The following CEP76 variants were observed in gnomAD, a reference collection of about 807,000 sequenced individuals.
CEP76 encodes centrosomal protein 76, also known as centrosomal protein of 76 kDa.
In CEP76, 55 loss-of-function variants were observed where a neutral mutation model predicts 83.3. The observed-to-expected ratio is 0.66, with a 90% CI of 0.53 to 0.83. The LOEUF is 0.83. CEP76 is among the 40% of genes least tolerant of loss of function. The probability of loss-of-function intolerance (pLI) is 0.00; values close to 1 mark genes in which losing one functional copy is unlikely to be tolerated. For missense variants in CEP76, 694 were observed against 799.5 expected (o/e 0.87, Z 1.59); for synonymous variants, 270 against 274.5 (o/e 0.98, Z 0.16).
chr18:12,678,754 G>A (rs908684176), intron 9 of CEP76, among the ~76,000 whole-genome samples: 1 of 152,010 alleles, frequency 6.6e-6, no homozygotes, highest in Non-Finnish European at 1.5e-5. Context: ...TCAAGAGTTC[G>A]AGACTAACCT....
chr18:12,687,028 G>C (rs573528987), intron 7 of CEP76, among the ~76,000 whole-genome samples: 1 of 152,120 alleles, frequency 6.6e-6, no homozygotes, highest in South Asian at 2.1e-4. Flanking sequence ...ATATCTCCTG[G>C]TGTTGGTGCT....
intron 1 of CEP76, 67 bp downstream of exon 1, chr18:12,702,419 G>T: frequency 1.6e-6 from 2 of 1,275,756 alleles, no homozygotes; most frequent in Non-Finnish European, 2.3e-6. Context: ...TCGGCCCGGG[G>T]CCGCCGGGCA....
chr18:12,680,651 A>T lies in CEP76; in HGVS notation c.1289+11T>A. The T allele has an allele frequency of 6.5e-7, 1 of 1,548,802 alleles. No individual in the cohort carries two copies. Among genetic ancestry groups the T allele is most frequent in the Non-Finnish European group, 8.8e-7 (1 of 1,140,266 alleles). On this transcript the variant is annotated intron_variant, in intron 9 of 11. Transcript: ENST00000262127. ...TTCATTTTAATATCCTTATAAACTT[A>T]GTAAACTAACCTGTGTCCTGTTAAA... is the stretch of plus-strand genomic sequence containing the variant.
At chr18:12,693,318 G>A (rs2039832996) in intron 6 of CEP76, among the ~76,000 whole-genome samples, 1 of 152,048 alleles carries the variant, frequency 6.6e-6, no homozygotes, top group South Asian at 2.1e-4. Flanking sequence ...CAATGTTTTG[G>A]GAGGCTGAGG....
intron 1 of CEP76, among the ~76,000 whole-genome samples, chr18:12,701,907 G>A (rs2040166655): frequency 6.6e-6 from 1 of 152,084 alleles, no homozygotes; most frequent in Admixed American, 6.5e-5. Context: ...GAGGCGGCCG[G>A]ATCACGAAGT....
intron 10 of CEP76, among the ~76,000 whole-genome samples, chr18:12,677,443 C>T (rs375396308): frequency 3.5e-4 from 39 of 110,600 alleles, no homozygotes; most frequent in African/African-American, 1.4e-3. Context: ...GGTGACAGAG[C>T]GAGAGATTCC....
intron 8 of CEP76, among the ~76,000 whole-genome samples, chr18:12,682,137 G>A (rs2039372765): frequency 6.6e-6 from 1 of 152,136 alleles, no homozygotes; most frequent in African/African-American, 2.4e-5. Flanking sequence ...AACTATTTGA[G>A]TTGAGTGTCC....
At position 12,673,252 on chromosome 18, in the gene CEP76, G is replaced by A. The variant is rs2038993117; in HGVS notation, c.*113C>T. 7 of 1,440,760 alleles carry A rather than the reference G, an allele frequency of 4.9e-6. No individual in the cohort carries two copies. Among genetic ancestry groups the A allele is most frequent in the Non-Finnish European group, 6.4e-6 (7 of 1,100,140 alleles). 89.2% of individuals were successfully genotyped at this position (1,440,760 alleles called of 1,614,324 possible). ...TCAAGTATATACAAAATTGAAGTAT[G>A]CCATTCAAGCCAGATTGTGATTTTA... On this transcript the variant is annotated 3_prime_UTR_variant, in exon 12 of 12. Transcript: ENST00000262127.
In CEP76 at chr18:12,702,593, C is replaced by T. The variant is rs766223323; in HGVS notation, c.-45G>A. On this transcript the variant is annotated 5_prime_UTR_variant, in exon 1 of 12. Transcript: ENST00000262127. The stretch of plus-strand genomic sequence containing the variant: ...CCGCCGCTTCTCCCCGCCTCAGATG[C>T]CCTAACTGCGCGGCCCCGGCCGGGC... 1 of 1,581,106 alleles carries T rather than the reference C, an allele frequency of 6.3e-7. No homozygotes were observed. Among genetic ancestry groups the T allele is most frequent in the Non-Finnish European group, 8.6e-7 (1 of 1,168,186 alleles).
At chr18:12,664,431 TC>T (rs1176448043) in intron 12 of CEP76, among the ~76,000 whole-genome samples, 1 of 151,548 alleles carries the variant, frequency 6.6e-6, no homozygotes, top group Non-Finnish European at 1.5e-5. Context: ...GTGCCTGTAG[TC>T]CCAGCTACTC....
rs779771201 is a variant in CEP76 at position 12,674,582 on chromosome 18, G to A, written c.1795C>T (p.His599Tyr). ...DGHTFKGFPI[H>Y]FVYRNARRAF... is the part of the protein sequence containing the mutation. ...CGTCTTGCATTTCTATACACAAAAT[G>A]TATTGGGAACCCTTTAAATGTGTGA... Residue 599 changes from histidine to tyrosine, a missense_variant, in exon 11 of 12, where the codon CAT becomes TAT. Transcript: ENST00000262127. 6 of 1,613,948 alleles carry A rather than the reference G, an allele frequency of 3.7e-6. No individual in the cohort carries two copies. The East Asian group carries it at 1.1e-4, about 30-fold the overall frequency.
rs573528987 is a variant in CEP76, at chr18:12,687,028, G to A, written c.934-578C>T. 3.3e-5 allele frequency among the ~76,000 whole-genome samples: 5 copies of A among 152,238 alleles called. No individual in the cohort carries two copies. The East Asian group carries it at 9.7e-4, about 29-fold the overall frequency. On this transcript the variant is annotated intron_variant, in intron 7 of 11. Transcript: ENST00000262127. ...CATCCTAAATACAGGATATCTCCTG[G>A]TGTTGGTGCTGAATAACTTGTATGC...
At chr18:12,662,308 T>C (rs570814283) in intron 12 of CEP76, 7 of 365,406 alleles carry the variant, frequency 1.9e-5, no homozygotes, top group South Asian at 1.3e-4. Flanking sequence ...TCTTCAGTTA[T>C]ACAACTTGAA....
At chr18:12,666,757 A>AC (rs935430224) in intron 12 of CEP76, among the ~76,000 whole-genome samples, 1 of 152,098 alleles carries the variant, frequency 6.6e-6, no homozygotes, top group Admixed American at 6.6e-5. Context: ...CCAAAAAAAA[A>AC]AAAACTTTTG....
rs759520853 is a variant in CEP76, at chr18:12,673,498, G to A, written c.1847C>T (p.Pro616Leu). The A allele has an allele frequency of 6.4e-7, 1 of 1,574,410 alleles. No homozygotes were observed. Among genetic ancestry groups the A allele is most frequent in the African/African-American group, 1.4e-5 (1 of 71,526 alleles). Residue 616 changes from proline to leucine, a missense_variant, in exon 12 of 12, where the codon CCT becomes CTT. By Grantham distance (98) the Pro-to-Leu change is moderately conservative. Transcript: ENST00000262127. The stretch of plus-strand genomic sequence containing the variant: ...GCAACAGATTATTTCTTCACAGAAA[G>A]GAGATCTATTTAAGAAAAAAAAAAT... ...RRAFATCLRS[P>L]FCEEIICCRG...
chr18:12,663,217 A>C (rs1220156756), intron 12 of CEP76, among the ~76,000 whole-genome samples: 1 of 152,240 alleles, frequency 6.6e-6, no homozygotes, highest in Non-Finnish European at 1.5e-5. Context: ...GATTTCAAAC[A>C]TTAGGACAAG....
At chr18:12,694,829 G>A (rs1453479075) in intron 6 of CEP76, among the ~76,000 whole-genome samples, 2 of 151,462 alleles carry the variant, frequency 1.3e-5, no homozygotes, top group Non-Finnish European at 2.9e-5. Context: ...TCCTGCCTCA[G>A]CCTCCCGGGT....
intron 4 of CEP76, among the ~76,000 whole-genome samples, chr18:12,697,733 CA>C (rs1434438549): frequency 6.6e-6 from 1 of 152,156 alleles, no homozygotes; most frequent in Non-Finnish European, 1.5e-5. Context: ...TCAAGTATGT[CA>C]ATATTAATCC....
chr18:12,690,522 C>A (rs2039715872), intron 7 of CEP76, among the ~76,000 whole-genome samples: 1 of 151,552 alleles, frequency 6.6e-6, no homozygotes, highest in African/African-American at 2.4e-5. Context: ...GTGGTGCGAT[C>A]TCGGCTCACT....
Sources: allele counts gnomAD v4.1 joint callset (sites outside exome capture counted in the v4.1 genomes callset), GRCh38; gene constraint gnomAD v4.1.1; transcripts MANE v1.5; gene names NCBI Gene and HGNC (gene_info 2026-07-23, HGNC 2026-07-21).